LRRC59: variants seen among roughly 807,000 people sequenced by gnomAD.
LRRC59 encodes the protein leucine rich repeat containing 59, also known as leucine-rich repeat-containing protein 59.
A neutral mutation model predicts 33.5 loss-of-function variants in LRRC59; 18 were observed. The ratio of observed to expected loss-of-function variants is 0.54; its 90% confidence interval spans 0.37 to 0.80. The LOEUF (loss-of-function observed/expected upper bound fraction) is 0.80, where lower values mean the gene tolerates loss of function less well. LRRC59 is among the 30% of genes least tolerant of loss of function. The probability of loss-of-function intolerance (pLI) is 0.00; values close to 1 mark genes in which losing one functional copy is unlikely to be tolerated. For synonymous variants in LRRC59, 138 were observed against 160.0 expected (o/e 0.86, Z 1.04); for missense variants, 330 against 391.9 (o/e 0.84, Z 1.33).
At chr17:50,385,927 C>T (rs1256665197) in intron 5 of LRRC59, among the ~76,000 whole-genome samples, 1 of 152,124 alleles carries the variant, frequency 6.6e-6, no homozygotes, top group Non-Finnish European at 1.5e-5. Context: ...TGTGCTGGCG[C>T]ATGCCTGTAG....
chr17:50,383,147 C>G lies in LRRC59; in HGVS notation c.765G>C (p.Leu255=). ...WAVLKLLLLL[L]LFGVAGGLVA... ...CCAGCCCTCCCGCCACACCAAATAG[C>G]AGCAGCAGCAGCAGCAGCTTCAGCA... Residue 255 remains leucine (L), a synonymous_variant, in exon 7 of 7, where the codon CTG becomes CTC. Coordinates refer to ENST00000225972, the MANE Select transcript of LRRC59 (RefSeq NM_018509.4). The G allele has an allele frequency of 6.4e-7, 1 of 1,571,880 alleles. No individual in the cohort carries two copies. The highest frequency in any genetic ancestry group is 8.6e-7 in the Non-Finnish European group (1 of 1,158,880).
At chr17:50,394,077 T>C (rs796978804) in intron 2 of LRRC59, among the ~76,000 whole-genome samples, 31 of 152,326 alleles carry the variant, frequency 2.0e-4, no homozygotes, top group African/African-American at 6.0e-4. Context: ...TTTGATGAGC[T>C]GTGACAAGGT....
Position 50,392,473 on chromosome 17 carries a change from G to T in LRRC59, c.354C>A (p.Asn118Lys), listed in dbSNP as rs1479413387. 3.1e-6 allele frequency: 5 copies of T among 1,614,132 alleles called. No individual in the cohort carries two copies. Among genetic ancestry groups the T allele is most frequent in the East Asian group, 2.2e-5 (1 of 44,886 alleles). Residue 118 changes from asparagine (N) to lysine (K), a missense_variant, in exon 4 of 7, where the codon AAC becomes AAA. Coordinates refer to ENST00000225972, the MANE Select transcript of LRRC59 (RefSeq NM_018509.4). ...KNLKWLDLKD[N>K]PLDPVLAKVA... ...CCTTGGCCAGGACAGGATCCAGGGG[G>T]TTATCCTTCAGGTCCAACCACTTCA...
chr17:50,395,861 C>T (rs1199437432), intron 1 of LRRC59: 5 of 151,626 alleles, frequency 3.3e-5, no homozygotes, highest in South Asian at 2.1e-4. Flanking sequence ...TTCAGTGAGC[C>T]GAGATCACTC....
chr17:50,382,689 T>G lies in LRRC59; in HGVS notation c.*299A>C. 1 of 407,010 alleles carries G rather than the reference T, an allele frequency of 2.5e-6. No homozygotes were observed. The allele number at this position is 407,010 out of a possible 1,614,324, so 25.2% of individuals were successfully genotyped here. On this transcript the variant is annotated 3_prime_UTR_variant, in exon 7 of 7. Coordinates refer to ENST00000225972, the MANE Select transcript of LRRC59 (RefSeq NM_018509.4). ...AAACGAGCCTTGCCTTTACACAGCT[T>G]TATATAACAACTAGAAAAGGCTATG...
Position 50,382,837 on chromosome 17 carries a change from G to A in LRRC59, c.*151C>T. On this transcript the variant is annotated 3_prime_UTR_variant, in exon 7 of 7. Coordinates refer to ENST00000225972, the MANE Select transcript of LRRC59 (RefSeq NM_018509.4). Reference sequence around the variant, plus strand: ...GGAACCCTGACTAAGGAATGAAGAAGTCCTACAAAGAGGAGGTCTCATGTA... The same window carrying A: ...GGAACCCTGACTAAGGAATGAAGAAATCCTACAAAGAGGAGGTCTCATGTA... 8 of 938,114 alleles carry A rather than the reference G, an allele frequency of 8.5e-6. No homozygotes were observed. Among genetic ancestry groups the A allele is most frequent in the Non-Finnish European group, 1.2e-5 (8 of 653,794 alleles). 58.1% of individuals were successfully genotyped at this position (938,114 alleles called of 1,614,324 possible). A position where few individuals can be genotyped will look rare whatever the true frequency, so the allele number is the denominator to read the frequency against.
chr17:50,394,844 C>T, intron 2 of LRRC59, 85 bp downstream of exon 2: 1 of 1,004,976 alleles, frequency 1.0e-6, no homozygotes, highest in Non-Finnish European at 1.5e-6. Flanking sequence ...CTTATGACAC[C>T]CTCCCACCCC....
chr17:50,392,613 T>A lies in LRRC59; in HGVS notation c.325-111A>T. On this transcript the variant is annotated intron_variant, in intron 3 of 6. Transcript: ENST00000225972. ...AGAATGCCCCTCTGTGTTCCACATATAGGGAGCGCCATCTGAGGCAGGACC... is the reference window on the plus strand; with the variant it reads ...AGAATGCCCCTCTGTGTTCCACATAAAGGGAGCGCCATCTGAGGCAGGACC... 2.8e-6 allele frequency: 4 copies of A among 1,445,656 alleles called. No individual in the cohort carries two copies. In the South Asian group the frequency reaches 4.8e-5, roughly 17 times the overall value. The allele number at this position is 1,445,656 out of a possible 1,614,324, so 89.6% of individuals were successfully genotyped here.
In LRRC59 at chr17:50,381,980, A is replaced by C. The variant is rs749820389; in HGVS notation, c.*1008T>G. ...CTGACACTTCAAAACCTGCAGAAGC[A>C]GGTTGCCTTTGAGGTATTTAGTCAC... On this transcript the variant is annotated 3_prime_UTR_variant, in exon 7 of 7. Transcript: ENST00000225972. 2.0e-5 allele frequency: 3 copies of C among 152,678 alleles called. No homozygotes were observed. Among genetic ancestry groups the C allele is most frequent in the Admixed American group, 6.5e-5 (1 of 15,290 alleles). 9.5% of individuals were successfully genotyped at this position (152,678 alleles called of 1,614,324 possible).
chr17:50,384,549 T>G lies in LRRC59; in HGVS notation c.676+569A>C, dbSNP rs906142698. 7.2e-5 allele frequency among the ~76,000 whole-genome samples: 11 copies of G among 152,210 alleles called. No individual in the cohort carries two copies. In the East Asian group the frequency reaches 1.4e-3, roughly 19 times the overall value. On this transcript the variant is annotated intron_variant, in intron 6 of 6. Transcript: ENST00000225972. The stretch of plus-strand genomic sequence containing the variant: ...GGGAGGCCGAGGCAGGCGGATTACC[T>G]GAGGTCGGGAGTTTGAGACCAGCCC...
chr17:50,388,251 G>T, intron 4 of LRRC59, 119 bp from the exon 5 acceptor site: 4 of 913,572 alleles, frequency 4.4e-6, no homozygotes, highest in South Asian at 1.4e-5. Context: ...GAACTAATAA[G>T]AGTTAGGCTG....
intron 1 of LRRC59, chr17:50,396,830 G>A (rs575361693): frequency 3.4e-6 from 1 of 292,600 alleles, no homozygotes; most frequent in Non-Finnish European, 6.3e-6. Context: ...TCTACCAGGA[G>A]GCCTACTCCC....
chr17:50,384,207 ACTC>A (rs894341632), intron 6 of LRRC59, among the ~76,000 whole-genome samples: 4 of 151,608 alleles, frequency 2.6e-5, no homozygotes, highest in African/African-American at 9.7e-5. Flanking sequence ...AGGCCAAATG[ACTC>A]CTCTAGTGTT....
intron 4 of LRRC59, 56 bp from the exon 5 acceptor site, chr17:50,388,188 G>C (rs1163261638): frequency 6.5e-7 from 1 of 1,527,996 alleles, no homozygotes; most frequent in Non-Finnish European, 9.1e-7. Context: ...GCTCAGGGAA[G>C]TCTCAAAAAA....
At chr17:50,396,746 G>A in intron 1 of LRRC59, 1 of 183,524 alleles carries the variant, frequency 5.4e-6, no homozygotes, top group East Asian at 1.4e-4. Context: ...TTCGAGTTAG[G>A]CTGCCTCAGG....
At chr17:50,388,297 G>A (rs1302946103) in intron 4 of LRRC59, among the ~76,000 whole-genome samples, 165 bp from the exon 5 acceptor site, 1 of 152,172 alleles carries the variant, frequency 6.6e-6, no homozygotes. Context: ...CCAACACTCT[G>A]GGAAGCCGAG....
At chr17:50,389,855 G>A (rs1914098954) in intron 4 of LRRC59, among the ~76,000 whole-genome samples, 1 of 152,108 alleles carries the variant, frequency 6.6e-6, no homozygotes, top group Non-Finnish European at 1.5e-5. Context: ...CCACACTTTG[G>A]GAGGCCAAGG....
chr17:50,392,072 C>T (rs766332863), intron 4 of LRRC59, among the ~76,000 whole-genome samples: 24 of 152,132 alleles, frequency 1.6e-4, no homozygotes, highest in South Asian at 4.1e-4. Flanking sequence ...TGGTAGCAGG[C>T]GTCTGTAATC....
At position 50,382,953 on chromosome 17, in the gene LRRC59, C is replaced by T; in HGVS notation, c.*35G>A. ...ACCCAATTCCATAGGAATCCAAACT[C>T]CAAGGCTGGGAGGCAGCAGGTGCTG... On this transcript the variant is annotated 3_prime_UTR_variant, in exon 7 of 7. Transcript: ENST00000225972. 6.2e-7 allele frequency: 1 copy of T among 1,601,534 alleles called. No homozygotes were observed. Among genetic ancestry groups the T allele is most frequent in the Non-Finnish European group, 8.5e-7 (1 of 1,172,684 alleles).
Sources: allele counts gnomAD v4.1 joint callset (sites outside exome capture counted in the v4.1 genomes callset), GRCh38; gene constraint gnomAD v4.1.1; transcripts MANE v1.5; gene names NCBI Gene and HGNC (gene_info 2026-07-23, HGNC 2026-07-21).